The following POC1A variants were observed in gnomAD, a reference collection of about 807,000 sequenced individuals.
The protein encoded by POC1A is POC1 centriolar protein A, also known as POC1 centriolar protein homolog A.
A neutral mutation model predicts 47.8 loss-of-function variants in POC1A; 34 were observed. The ratio of observed to expected loss-of-function variants is 0.71; its 90% CI spans 0.54 to 0.95. The LOEUF (loss-of-function observed/expected upper bound fraction) is 0.95. Among genes scored for constraint, POC1A ranks in the 40% least tolerant of loss-of-function variants. The pLI is 0.00. For synonymous variants in POC1A, 177 were observed against 207.6 expected (o/e 0.85, Z 1.27); for missense variants, 466 against 528.3 (o/e 0.88, Z 1.16).
intron 10 of POC1A, among the ~76,000 whole-genome samples, chr3:52,086,577 C>T (rs907195481): frequency 3.3e-4 from 51 of 152,258 alleles, no homozygotes; most frequent in African/African-American, 1.2e-3. Context: ...TGTGCGTACA[C>T]ACGCAGGACC....
chr3:52,077,874 T>G (rs921675657), intron 10 of POC1A, among the ~76,000 whole-genome samples: 1 of 151,702 alleles, frequency 6.6e-6, no homozygotes, highest in Non-Finnish European at 1.5e-5. Context: ...GTGGGTGAGG[T>G]GCTGGGCCAA....
chr3:52,107,407 A>G (rs1378189541), intron 9 of POC1A, among the ~76,000 whole-genome samples: 1 of 152,218 alleles, frequency 6.6e-6, no homozygotes, highest in South Asian at 2.1e-4. Flanking sequence ...CCTGGAGCAG[A>G]TGCACCTCTG....
chr3:52,085,977 C>A (rs1455449657), intron 10 of POC1A, among the ~76,000 whole-genome samples: 1 of 152,214 alleles, frequency 6.6e-6, no homozygotes, highest in Admixed American at 6.5e-5. Context: ...CCAAATAGGG[C>A]AGCCTGTGGT....
intron 9 of POC1A, among the ~76,000 whole-genome samples, chr3:52,103,589 T>C (rs1340211743): frequency 6.6e-6 from 1 of 152,188 alleles, no homozygotes; most frequent in Admixed American, 6.5e-5. Flanking sequence ...ACATTTTTCC[T>C]GTAAAACATA....
In POC1A at chr3:52,143,015, C is replaced by A. The variant is rs372604688; in HGVS notation, c.679+2831G>T. On this transcript the variant is annotated intron_variant, in intron 6 of 10. Transcript: ENST00000296484. ...GGTCAGCCTAGAGGCTATGGGATGA[C>A]TCCGCTATCCTGTGAACACCCACCA... 9.7e-4 allele frequency among the ~76,000 whole-genome samples: 148 copies of A among 152,204 alleles called. 2 individuals are homozygous for A. Among genetic ancestry groups the A allele is most frequent in the African/African-American group, 3.4e-3 (141 of 41,524 alleles).
intron 10 of POC1A, among the ~76,000 whole-genome samples, chr3:52,082,812 C>A (rs1702344088): frequency 6.6e-6 from 1 of 152,102 alleles, no homozygotes; most frequent in African/African-American, 2.4e-5. Flanking sequence ...TGTCTGGCAC[C>A]TGGGCCCCCA....
chr3:52,078,389 A>G (rs1294559205), intron 10 of POC1A, among the ~76,000 whole-genome samples: 1 of 151,250 alleles, frequency 6.6e-6, no homozygotes, highest in African/African-American at 2.4e-5. Flanking sequence ...AAAAAATCCT[A>G]CTTTCTTAAA....
chr3:52,110,960 C>T (rs980739872), intron 9 of POC1A, among the ~76,000 whole-genome samples: 1 of 152,182 alleles, frequency 6.6e-6, no homozygotes, highest in African/African-American at 2.4e-5. Flanking sequence ...AGTGTGTGTG[C>T]CTGGGTTTAT....
At chr3:52,133,200 C>T (rs1018440315) in intron 7 of POC1A, among the ~76,000 whole-genome samples, 3 of 152,082 alleles carry the variant, frequency 2.0e-5, no homozygotes, top group African/African-American at 7.2e-5. Flanking sequence ...TGGTCCTTTC[C>T]GCCCTTCCAC....
intron 9 of POC1A, among the ~76,000 whole-genome samples, chr3:52,114,823 C>A (rs1201571293): frequency 6.6e-6 from 1 of 152,206 alleles, no homozygotes; most frequent in Non-Finnish European, 1.5e-5. Flanking sequence ...CCCGGTAAAG[C>A]CCCACAATAG....
intron 8 of POC1A, among the ~76,000 whole-genome samples, chr3:52,122,977 C>T: frequency 6.6e-6 from 1 of 152,260 alleles, no homozygotes; most frequent in Non-Finnish European, 1.5e-5. Context: ...GCCTGTTACA[C>T]TGTGAGAAGT....
intron 9 of POC1A, among the ~76,000 whole-genome samples, chr3:52,112,448 G>A (rs1703417874): frequency 6.6e-6 from 1 of 152,090 alleles, no homozygotes; most frequent in Non-Finnish European, 1.5e-5. Flanking sequence ...AAGACCAGCT[G>A]GCCAACATGG....
At position 52,138,082 on chromosome 3, in the gene POC1A, C is replaced by T. The variant is rs1704540463; in HGVS notation, c.813+87G>A. 4.9e-5 allele frequency: 70 copies of T among 1,434,726 alleles called. 1 individual carries two copies. In the South Asian group the frequency reaches 8.2e-4, roughly 17 times the overall value. 88.9% of individuals were successfully genotyped at this position (1,434,726 alleles called of 1,614,324 possible). On this transcript the variant is annotated intron_variant, in intron 7 of 10. Coordinates refer to ENST00000296484, the MANE Select transcript of POC1A (RefSeq NM_015426.5). ...ATCTCCCTGCAGGCTGTGTGGGTGA[C>T]AAGCCTGTTTCTGCATCTTGCCCAC...
rs1214379096 is a variant in POC1A, at chr3:52,090,362, G to T, written c.1125+6207C>A. 1.3e-5 allele frequency among the ~76,000 whole-genome samples: 2 copies of T among 152,240 alleles called. No homozygotes were observed. The highest frequency in any genetic ancestry group is 2.9e-5 in the Non-Finnish European group (2 of 68,034). ...AAAAATAACTTTGCTGTGGGCTTCT[G>T]AGGCAAAACCACCAAGCCGCGTGTT... is the stretch of plus-strand genomic sequence containing the variant. On this transcript the variant is annotated intron_variant, in intron 10 of 10. Coordinates refer to ENST00000296484, the MANE Select transcript of POC1A (RefSeq NM_015426.5). The surrounding 1 kb of genome is among the most constrained non-coding windows in gnomAD (Gnocchi z 4.2).
chr3:52,083,006 G>A (rs1009498698), intron 10 of POC1A, among the ~76,000 whole-genome samples: 4 of 152,158 alleles, frequency 2.6e-5, no homozygotes, highest in East Asian at 1.9e-4. Flanking sequence ...CATCCTCCAC[G>A]CCCACCAATG....
At chr3:52,149,124 G>T in intron 4 of POC1A, 86 bp downstream of exon 4, 1 of 1,133,370 alleles carries the variant, frequency 8.8e-7, no homozygotes, top group Non-Finnish European at 1.3e-6. Context: ...ACTTGCCCGA[G>T]GTCATAAGTT....
intron 9 of POC1A, among the ~76,000 whole-genome samples, chr3:52,116,875 A>G (rs1703583998): frequency 1.3e-5 from 2 of 151,806 alleles, no homozygotes; most frequent in Non-Finnish European, 2.9e-5. Flanking sequence ...AGACAGGGAG[A>G]CCCTTTCTCT....
intron 2 of POC1A, among the ~76,000 whole-genome samples, chr3:52,150,391 A>G (rs1698519012): frequency 6.6e-6 from 1 of 152,210 alleles, no homozygotes; most frequent in Non-Finnish European, 1.5e-5. Flanking sequence ...TGAAGCCTAA[A>G]GGAGGTCCCC....
intron 10 of POC1A, among the ~76,000 whole-genome samples, chr3:52,085,813 A>G (rs1435400495): frequency 1.3e-5 from 2 of 152,230 alleles, no homozygotes; most frequent in East Asian, 3.8e-4. Flanking sequence ...AGTCACTGCA[A>G]TATTCATATT....
Sources: allele counts gnomAD v4.1 joint callset (sites outside exome capture counted in the v4.1 genomes callset), GRCh38; gene constraint gnomAD v4.1.1; non-coding constraint Gnocchi (gnomAD v3.1); transcripts MANE v1.5; gene names NCBI Gene and HGNC (gene_info 2026-07-23, HGNC 2026-07-21).